The following TNPO1 variants were observed in gnomAD, a reference collection of about 807,000 sequenced individuals.
TNPO1 encodes the protein transportin 1, also known as transportin-1.
In TNPO1, 8 loss-of-function variants were observed where a neutral mutation model predicts 119.5. The ratio of observed to expected loss-of-function variants is 0.07; its 90% CI spans 0.04 to 0.12. The LOEUF is 0.12. TNPO1 is among the 10% of genes least tolerant of loss of function. The pLI is 1.00. For missense variants in TNPO1, 576 were observed against 1,089.8 expected (o/e 0.53, Z 6.64); for synonymous variants, 362 against 363.0 (o/e 1.00, Z 0.03).
At chr5:72,878,980 A>G in intron 9 of TNPO1, 1 of 471,088 alleles carries the variant, frequency 2.1e-6, no homozygotes. Flanking sequence ...GGCCCAGATT[A>G]CTCTGGCTTT....
intron 11 of TNPO1, among the ~76,000 whole-genome samples, chr5:72,885,251 A>T (rs548681832): frequency 2.8e-4 from 42 of 152,396 alleles, no homozygotes; most frequent in African/African-American, 1.0e-3. Flanking sequence ...GCTAGTACTG[A>T]TAGCACATCT....
intron 24 of TNPO1, among the ~76,000 whole-genome samples, chr5:72,908,372 C>T (rs1358757219): frequency 6.6e-6 from 1 of 152,062 alleles, no homozygotes. Flanking sequence ...TAACAAGTTC[C>T]CATTGGGTCC....
chr5:72,888,108 C>G lies in TNPO1; in HGVS notation c.1334C>G (p.Pro445Arg), dbSNP rs2112442309. Residue 445 changes from proline to arginine, a missense_variant, in exon 13 of 25, where the codon CCT becomes CGT. Pro to Arg is a moderately radical substitution (Grantham distance 103). This residue lies in a region of TNPO1 where 310 missense variants were observed against 583.0 expected (regional missense o/e 0.53). Coordinates refer to ENST00000337273, the MANE Select transcript of TNPO1 (RefSeq NM_002270.4). Reference sequence around the variant, plus strand: ...ATGCAGGGCATGATTCCATACTTGCCTGAGCTTATTCCTCACCTTATTCAG... The same window carrying G: ...ATGCAGGGCATGATTCCATACTTGCGTGAGCTTATTCCTCACCTTATTCAG... The part of the protein sequence containing the change: ...GCMQGMIPYL[P>R]ELIPHLIQCL... 1.9e-6 allele frequency: 3 copies of G among 1,614,008 alleles called. 1 individual carries two copies. Among genetic ancestry groups the G allele is most frequent in the Middle Eastern group, 1.7e-4 (1 of 6,000 alleles).
chr5:72,909,756 A>G lies in TNPO1; in HGVS notation c.*1083A>G, dbSNP rs574653415. On this transcript the variant is annotated 3_prime_UTR_variant, in exon 25 of 25. Transcript: ENST00000337273. ...AGAACATAGATATATAAAGTACTGT[A>G]GTTTACAGGTAGGCCTTGAAATATC... 344 of 152,750 alleles carry G rather than the reference A, an allele frequency of 2.3e-3. 4 individuals are homozygous for G. The highest frequency in any genetic ancestry group is 3.9e-3 in the Non-Finnish European group (266 of 68,034). 9.5% of individuals were successfully genotyped at this position (152,750 alleles called of 1,614,324 possible). A position where few individuals can be genotyped will look rare whatever the true frequency, so the allele number is the denominator to read the frequency against.
At chr5:72,894,789 C>T (rs1313705458) in intron 18 of TNPO1, among the ~76,000 whole-genome samples, 2 of 152,148 alleles carry the variant, frequency 1.3e-5, no homozygotes, top group African/African-American at 2.4e-5. Context: ...ACATAATTAA[C>T]ATTAATTATG....
At chr5:72,818,733 A>G (rs963852142) in intron 1 of TNPO1, among the ~76,000 whole-genome samples, 1 of 152,230 alleles carries the variant, frequency 6.6e-6, no homozygotes, top group Non-Finnish European at 1.5e-5. Flanking sequence ...CTAAAAAGAT[A>G]TCTTCCCCCC....
At chr5:72,818,731 A>G (rs1743809969) in intron 1 of TNPO1, among the ~76,000 whole-genome samples, 3 of 152,230 alleles carry the variant, frequency 2.0e-5, no homozygotes, top group Non-Finnish European at 4.4e-5. Context: ...TGCTAAAAAG[A>G]TATCTTCCCC....
intron 1 of TNPO1, among the ~76,000 whole-genome samples, chr5:72,835,995 T>G (rs1475299413): frequency 6.6e-6 from 1 of 152,236 alleles, no homozygotes; most frequent in East Asian, 1.9e-4. Flanking sequence ...TACAGTTGGG[T>G]AGGGGTTGGG....
At chr5:72,825,066 C>T (rs762769090) in intron 1 of TNPO1, among the ~76,000 whole-genome samples, 1 of 152,114 alleles carries the variant, frequency 6.6e-6, no homozygotes, top group Admixed American at 6.5e-5. Context: ...TTTTCTGTAT[C>T]GTCAAAATAC....
At chr5:72,858,038 T>G (rs1746137862) in intron 4 of TNPO1, among the ~76,000 whole-genome samples, 1 of 152,244 alleles carries the variant, frequency 6.6e-6, no homozygotes, top group South Asian at 2.1e-4. Context: ...CATTTTAGTT[T>G]ATGTTAAGTA....
At chr5:72,822,619 G>T (rs1455723575) in intron 1 of TNPO1, among the ~76,000 whole-genome samples, 1 of 145,266 alleles carries the variant, frequency 6.9e-6, no homozygotes, top group Non-Finnish European at 1.5e-5. Context: ...TGGAGATGGA[G>T]TCTCGCTCTG....
At chr5:72,819,893 CAT>C (rs776473937) in intron 1 of TNPO1, among the ~76,000 whole-genome samples, 1 of 152,148 alleles carries the variant, frequency 6.6e-6, no homozygotes, top group Admixed American at 6.6e-5. Context: ...CTGGGCCTGA[CAT>C]GTATTAACTT....
intron 3 of TNPO1, among the ~76,000 whole-genome samples, chr5:72,855,562 T>G (rs1745926913): frequency 6.6e-6 from 1 of 152,144 alleles, no homozygotes; most frequent in Non-Finnish European, 1.5e-5. Context: ...GACAGCACCC[T>G]CCAACAAATA....
chr5:72,867,021 G>A (rs1360723260), intron 6 of TNPO1, among the ~76,000 whole-genome samples: 1 of 151,860 alleles, frequency 6.6e-6, no homozygotes, highest in Non-Finnish European at 1.5e-5. Flanking sequence ...CAAAAAATAA[G>A]TTTAAAAAAT....
In TNPO1 at chr5:72,913,938, A is replaced by T. The variant is rs752288469; in HGVS notation, c.*5265A>T. 22 of 152,572 alleles carry T rather than the reference A, an allele frequency of 1.4e-4. No individual in the cohort carries two copies. The highest frequency in any genetic ancestry group is 3.1e-4 in the African/African-American group (13 of 41,454). The allele number at this position is 152,572 out of a possible 1,614,324, so 9.5% of individuals were successfully genotyped here. On this transcript the variant is annotated 3_prime_UTR_variant, in exon 25 of 25. Transcript: ENST00000337273. ...CGTGGTAAATCACTTCATATTACAA[A>T]ACAGTTTTACACTTAATATGTTAAC... is the stretch of plus-strand genomic sequence containing the variant.
intron 1 of TNPO1, among the ~76,000 whole-genome samples, chr5:72,827,053 A>G (rs948352121): frequency 1.1e-4 from 16 of 152,174 alleles, no homozygotes; most frequent in African/African-American, 3.9e-4. Context: ...GGAAGAGGAC[A>G]TTGCCTTTCT....
At chr5:72,891,089 T>C (rs1281709353) in intron 14 of TNPO1, among the ~76,000 whole-genome samples, 2 of 151,980 alleles carry the variant, frequency 1.3e-5, no homozygotes, top group Non-Finnish European at 2.9e-5. Context: ...GTGATCTGCC[T>C]GCCTCAGCCT....
At chr5:72,870,439 G>T (rs1747302480) in intron 6 of TNPO1, among the ~76,000 whole-genome samples, 2 of 152,164 alleles carry the variant, frequency 1.3e-5, no homozygotes, top group Non-Finnish European at 2.9e-5. Context: ...TGGGATTACA[G>T]GCGTGAGCCA....
intron 9 of TNPO1, chr5:72,878,816 T>C (rs1350712963): frequency 5.4e-6 from 2 of 372,354 alleles, no homozygotes; most frequent in Non-Finnish European, 1.1e-5. Context: ...AGAGATTTTC[T>C]TTTTTTCTTC....
Sources: allele counts gnomAD v4.1 joint callset (sites outside exome capture counted in the v4.1 genomes callset), GRCh38; gene constraint gnomAD v4.1.1; regional missense constraint gnomAD v4.1.1; transcripts MANE v1.5; gene names NCBI Gene and HGNC (gene_info 2026-07-23, HGNC 2026-07-21).